The following ZNF385D variants were observed in gnomAD, a reference collection of about 807,000 sequenced individuals.
ZNF385D encodes zinc finger protein 659.
ZNF385D carries 15 observed loss-of-function variants against 35.8 expected under a neutral mutation model. The observed-to-expected ratio is 0.42, with a 90% confidence interval of 0.28 to 0.64. ZNF385D has a LOEUF of 0.64. ZNF385D is among the 30% of genes least tolerant of loss of function. The probability of loss-of-function intolerance (pLI) is 0.23; values close to 1 mark genes in which losing one functional copy is unlikely to be tolerated. For missense variants in ZNF385D, 474 were observed against 494.6 expected, an observed-to-expected ratio of 0.96 and a Z score of 0.39; for synonymous variants, 212 against 186.8, an observed-to-expected ratio of 1.13 and a Z score of -1.10.
intron 2 of ZNF385D, among the ~76,000 whole-genome samples, chr3:21,624,955 A>G (rs186237955): frequency 6.6e-6 from 1 of 152,196 alleles, no homozygotes; most frequent in African/African-American, 2.4e-5. Context: ...AAGGAGGGAT[A>G]AAGATTCCAT....
chr3:22,245,093 G>GAA (rs1699702710), intron 2 of ZNF385D, among the ~76,000 whole-genome samples: 1 of 152,128 alleles, frequency 6.6e-6, no homozygotes, highest in Non-Finnish European at 1.5e-5. Context: ...TGGCAGACTA[G>GAA]AAATACCATA....
chr3:22,106,147 C>T (rs1159707374), intron 3 of ZNF385D, among the ~76,000 whole-genome samples: 2 of 151,956 alleles, frequency 1.3e-5, no homozygotes, highest in Non-Finnish European at 2.9e-5. Context: ...TTTGTGGCTC[C>T]AAAAATCTCC....
intron 2 of ZNF385D, among the ~76,000 whole-genome samples, chr3:21,565,785 A>C (rs2063122307): frequency 6.6e-6 from 1 of 152,230 alleles, no homozygotes; most frequent in Non-Finnish European, 1.5e-5. Flanking sequence ...ATGATGAGAT[A>C]AAAGGACTTA....
rs148664799 is a variant in ZNF385D, at chr3:21,954,767, T to C, written c.325+214050A>G. Among the ~76,000 whole-genome samples the C allele has an allele frequency of 6.1e-3, 933 of 152,260 alleles. 10 individuals carry two copies. The highest frequency in any genetic ancestry group is 0.021 in the African/African-American group (893 of 41,540). On this transcript the variant is annotated intron_variant, in intron 3 of 5. Transcript: ENST00000494108. ...GGACTCAAAACAATTTCCTAAACTT[T>C]GGAATAATGTTAGACATCCCCACCC...
At chr3:21,818,201 G>T (rs913827160) in intron 3 of ZNF385D, among the ~76,000 whole-genome samples, 4 of 152,016 alleles carry the variant, frequency 2.6e-5, no homozygotes, top group Admixed American at 6.6e-5. Context: ...GATGGGGGAG[G>T]GATAGCACTA....
chr3:21,822,392 TGAAAA>T (rs1205188114), intron 3 of ZNF385D, among the ~76,000 whole-genome samples: 3 of 152,156 alleles, frequency 2.0e-5, no homozygotes, highest in Non-Finnish European at 2.9e-5. Flanking sequence ...AACTTTGAAA[TGAAAA>T]GAAAACTTTT....
At chr3:22,098,740 C>T (rs966107561) in intron 3 of ZNF385D, among the ~76,000 whole-genome samples, 5 of 151,692 alleles carry the variant, frequency 3.3e-5, no homozygotes, top group Non-Finnish European at 7.4e-5. Flanking sequence ...CCTTAATGAT[C>T]AAAGAAATAC....
chr3:21,631,706 T>G (rs551415205), intron 2 of ZNF385D, among the ~76,000 whole-genome samples: 8 of 152,222 alleles, frequency 5.3e-5, no homozygotes, highest in Non-Finnish European at 8.8e-5. Flanking sequence ...CCTCAAACCT[T>G]TTACTTTTTG....
At chr3:22,243,109 A>C (rs534715521) in intron 2 of ZNF385D, among the ~76,000 whole-genome samples, 2 of 151,168 alleles carry the variant, frequency 1.3e-5, no homozygotes, top group South Asian at 4.3e-4. Context: ...ATGGGAGAAA[A>C]TATTTGCAAA....
Position 22,104,334 on chromosome 3 carries a change from A to C in ZNF385D, c.325+64483T>G, listed in dbSNP as rs566053680. ...TGCTACCAAAGGCTCCTTGAAAAAA[A>C]GGATGACGTTTTATTACTCGTTCAC... On this transcript the variant is annotated intron_variant, in intron 3 of 5. Transcript: ENST00000494108. Among the ~76,000 whole-genome samples the C allele has an allele frequency of 2.6e-5, 4 of 152,202 alleles. No homozygotes were observed. The South Asian group carries it at 8.3e-4, about 32-fold the overall frequency.
intron 3 of ZNF385D, among the ~76,000 whole-genome samples, chr3:22,037,939 C>A (rs1264176555): frequency 6.6e-6 from 1 of 152,162 alleles, no homozygotes; most frequent in African/African-American, 2.4e-5. Flanking sequence ...CTACAACTAT[C>A]TGATCTTTGA....
At chr3:21,696,371 T>C (rs1247859524) in intron 1 of ZNF385D, among the ~76,000 whole-genome samples, 2 of 152,222 alleles carry the variant, frequency 1.3e-5, no homozygotes, top group African/African-American at 2.4e-5. Context: ...CTAAGCATGC[T>C]GGCGATAATC....
At chr3:21,519,167 A>G (rs1269337533) in intron 3 of ZNF385D, among the ~76,000 whole-genome samples, 1 of 152,162 alleles carries the variant, frequency 6.6e-6, no homozygotes, top group East Asian at 1.9e-4. Flanking sequence ...TGTGATTCTC[A>G]TACACCACCA....
At chr3:21,917,679 T>G (rs1419840579) in intron 3 of ZNF385D, among the ~76,000 whole-genome samples, 2 of 152,180 alleles carry the variant, frequency 1.3e-5, no homozygotes, top group African/African-American at 4.8e-5. Flanking sequence ...GAAAAAAATT[T>G]GTCATGGATT....
chr3:21,777,496 G>A (rs922075453), intron 3 of ZNF385D: 1 of 151,848 alleles, frequency 6.6e-6, no homozygotes, highest in Non-Finnish European at 1.5e-5. Context: ...TTCTCTGACG[G>A]TGCATTGGGA....
At chr3:21,554,017 A>C (rs1490887916) in intron 3 of ZNF385D, among the ~76,000 whole-genome samples, 1 of 152,196 alleles carries the variant, frequency 6.6e-6, no homozygotes, top group Non-Finnish European at 1.5e-5. Flanking sequence ...ACTTCTTTTA[A>C]ATTCCTGTTA....
At chr3:21,627,246 G>GGGGT (rs372796308) in intron 2 of ZNF385D, among the ~76,000 whole-genome samples, 12 of 139,424 alleles carry the variant, frequency 8.6e-5, no homozygotes, top group African/African-American at 3.0e-4. Flanking sequence ...AGAGGTGTAG[G>GGGGT]GTGTGTGTGT....
chr3:21,558,932 G>A (rs1168862059), intron 3 of ZNF385D, among the ~76,000 whole-genome samples: 3 of 146,726 alleles, frequency 2.0e-5, no homozygotes, highest in Non-Finnish European at 4.5e-5. Context: ...CTTCTTTGCT[G>A]TTTGATCTTT....
chr3:21,791,022 C>T (rs1420804327), intron 3 of ZNF385D, among the ~76,000 whole-genome samples: 4 of 152,194 alleles, frequency 2.6e-5, no homozygotes, highest in South Asian at 2.1e-4. Context: ...TTGAACCAAG[C>T]AGGCATAGCG....
Sources: gnomAD v4.1 joint callset for allele counts (sites outside exome capture counted in the v4.1 genomes callset) on GRCh38, gnomAD v4.1.1 for gene constraint, MANE v1.5 for transcripts, NCBI Gene and HGNC (gene_info 2026-07-23, HGNC 2026-07-21) for gene names.